The following PHACTR3 variants were observed in gnomAD, a reference collection of about 807,000 sequenced individuals.
PHACTR3 encodes the protein phosphatase and actin regulator 3.
Under a neutral mutation model 66.8 loss-of-function variants are expected in PHACTR3, and 16 were observed. That is an observed-to-expected ratio of 0.24 (90% CI 0.16 to 0.36). PHACTR3 has a LOEUF of 0.36. Ranked by LOEUF, PHACTR3 falls within the 10% of genes least tolerant of loss-of-function variation. The pLI is 1.00. For synonymous variants in PHACTR3, 323 were observed against 292.1 expected (o/e 1.11, Z -1.08); for missense variants, 647 against 719.9 (o/e 0.90, Z 1.16).
intron 1 of PHACTR3, among the ~76,000 whole-genome samples, chr20:59,714,608 A>G (rs1305017983): frequency 2.0e-5 from 3 of 152,232 alleles, no homozygotes; most frequent in Admixed American, 1.3e-4. Context: ...ATGATATCTG[A>G]TAGTGGAAAT....
intron 1 of PHACTR3, among the ~76,000 whole-genome samples, chr20:59,708,011 A>G (rs955919339): frequency 5.3e-5 from 8 of 152,252 alleles, no homozygotes; most frequent in Admixed American, 4.6e-4. Flanking sequence ...AGTTCCAGAA[A>G]AAGTCCTGGA....
chr20:59,716,762 G>A (rs1321631481), intron 1 of PHACTR3, among the ~76,000 whole-genome samples: 2 of 152,198 alleles, frequency 1.3e-5, no homozygotes, highest in Non-Finnish European at 2.9e-5. Flanking sequence ...CGGGCTTCAT[G>A]ATGAAAACAG....
intron 8 of PHACTR3, among the ~76,000 whole-genome samples, chr20:59,832,661 G>A (rs1489181172): frequency 2.0e-5 from 3 of 152,164 alleles, no homozygotes. Flanking sequence ...GTGCCGCTCT[G>A]GGGTTCCAGG....
intron 8 of PHACTR3, among the ~76,000 whole-genome samples, chr20:59,819,251 A>G (rs1358471030): frequency 6.6e-6 from 1 of 151,894 alleles, no homozygotes; most frequent in Admixed American, 6.6e-5. Context: ...CCACAGGCAG[A>G]TAAGAGGAAG....
At chr20:59,643,700 C>T (rs371855779) in intron 1 of PHACTR3, among the ~76,000 whole-genome samples, 2 of 152,202 alleles carry the variant, frequency 1.3e-5, no homozygotes, top group South Asian at 2.1e-4. Flanking sequence ...GATGGAGCGG[C>T]GAGAAGCTGA....
At chr20:59,834,462 C>A (rs2042468494) in intron 8 of PHACTR3, among the ~76,000 whole-genome samples, 1 of 152,230 alleles carries the variant, frequency 6.6e-6, no homozygotes, top group Admixed American at 6.5e-5. Flanking sequence ...CCCCAGACAA[C>A]TCCAATTTCC....
At chr20:59,791,980 T>A (rs2041117731) in intron 7 of PHACTR3, among the ~76,000 whole-genome samples, 1 of 152,142 alleles carries the variant, frequency 6.6e-6, no homozygotes, top group Non-Finnish European at 1.5e-5. Flanking sequence ...AGATTAGGTA[T>A]CAGGGAGAAG....
chr20:59,773,555 T>TGGCATGAGCTGCA, intron 6 of PHACTR3, 102 bp downstream of exon 6: 1 of 1,241,986 alleles, frequency 8.1e-7, no homozygotes, highest in East Asian at 2.6e-5. Context: ...TGGCTGGGTG[T>TGGCATGAGCTGCA]CCCGTTCTAC....
intron 5 of PHACTR3, among the ~76,000 whole-genome samples, chr20:59,771,695 C>T (rs2040367624): frequency 6.6e-6 from 1 of 152,226 alleles, no homozygotes. Flanking sequence ...CTCTGTCTGT[C>T]TCCACCAGCT....
intron 1 of PHACTR3, among the ~76,000 whole-genome samples, chr20:59,682,043 AT>A (rs2036677085): frequency 6.6e-6 from 1 of 151,400 alleles, no homozygotes. Context: ...AAAGAAAAAA[AT>A]AATCAGGCCT....
chr20:59,819,226 A>G (rs2041965291), intron 8 of PHACTR3, among the ~76,000 whole-genome samples: 1 of 152,120 alleles, frequency 6.6e-6, no homozygotes, highest in African/African-American at 2.4e-5. Context: ...CAGGCTGGTC[A>G]CCAGACCTGG....
At chr20:59,583,557 C>T (rs572862295) in intron 1 of PHACTR3, among the ~76,000 whole-genome samples, 3 of 152,382 alleles carry the variant, frequency 2.0e-5, no homozygotes, top group East Asian at 3.9e-4. Flanking sequence ...AGGCTCCCCG[C>T]GTGCCCGCCT....
intron 8 of PHACTR3, among the ~76,000 whole-genome samples, chr20:59,826,860 T>C (rs1054698596): frequency 2.0e-5 from 3 of 152,220 alleles, no homozygotes; most frequent in Non-Finnish European, 4.4e-5. Context: ...GTGAATGACA[T>C]TCTCTGCGTT....
At chr20:59,706,471 A>AC (rs2037704205) in intron 1 of PHACTR3, among the ~76,000 whole-genome samples, 1 of 152,050 alleles carries the variant, frequency 6.6e-6, no homozygotes. Context: ...TGGCACTGTG[A>AC]CCCCATCTAG....
intron 1 of PHACTR3, among the ~76,000 whole-genome samples, chr20:59,650,997 T>C (rs1319312110): frequency 6.6e-6 from 1 of 152,130 alleles, no homozygotes; most frequent in Non-Finnish European, 1.5e-5. Flanking sequence ...TGTCAAGATG[T>C]TAATCTTTGT....
intron 1 of PHACTR3, among the ~76,000 whole-genome samples, chr20:59,723,017 C>CT (rs897769755): frequency 4.6e-5 from 7 of 151,796 alleles, no homozygotes; most frequent in Non-Finnish European, 7.4e-5. Flanking sequence ...GTTTTCTTCC[C>CT]TTTTTTTCTT....
At position 59,715,433 on chromosome 20, in the gene PHACTR3, T is replaced by G. The variant is rs184554603; in HGVS notation, c.119-27674T>G. ...TTAATGTGGTGATTTCCACTGATTA[T>G]TTTTAAATGTCAAGCTAATCTTGCA... On this transcript the variant is annotated intron_variant, in intron 1 of 12. Transcript: ENST00000371015. Among the ~76,000 whole-genome samples, 52 of 152,362 alleles carry G rather than the reference T, an allele frequency of 3.4e-4. No individual in the cohort carries two copies. In the East Asian group the frequency reaches 8.5e-3, roughly 25 times the overall value.
chr20:59,749,538 T>G (rs758598426), intron 3 of PHACTR3, among the ~76,000 whole-genome samples: 2 of 152,134 alleles, frequency 1.3e-5, no homozygotes, highest in Non-Finnish European at 2.9e-5. Context: ...GGGAGCCTGG[T>G]CTCTGGCTTC....
chr20:59,705,690 C>T lies in PHACTR3; in HGVS notation c.119-37417C>T, dbSNP rs902560459. ...CATGGGGCTCATAGTGCACCTGAGC[C>T]GAGACACTCCTGGTTCAAGGGCAGT... is the stretch of plus-strand genomic sequence containing the variant. On this transcript the variant is annotated intron_variant, in intron 1 of 12. Coordinates refer to ENST00000371015, the MANE Select transcript of PHACTR3 (RefSeq NM_080672.5). Among the ~76,000 whole-genome samples, 9 of 152,104 alleles carry T rather than the reference C, an allele frequency of 5.9e-5. No individual in the cohort carries two copies. In the South Asian group the frequency reaches 8.3e-4, roughly 14 times the overall value.
Sources: allele counts gnomAD v4.1 joint callset (sites outside exome capture counted in the v4.1 genomes callset), GRCh38; gene constraint gnomAD v4.1.1; transcripts MANE v1.5; gene names NCBI Gene and HGNC (gene_info 2026-07-23, HGNC 2026-07-21).